The following JAKMIP2 variants were observed in gnomAD, a reference collection of about 807,000 sequenced individuals.
The protein encoded by JAKMIP2 is janus kinase and microtubule interacting protein 2.
JAKMIP2 carries 25 observed loss-of-function variants against 115.0 expected under a neutral mutation model. The ratio of observed to expected loss-of-function variants is 0.22; its 90% confidence interval spans 0.16 to 0.30. The LOEUF is 0.30. JAKMIP2 is among the 10% of genes least tolerant of loss of function. The pLI, the probability that JAKMIP2 is intolerant of heterozygous loss-of-function variation, is 1.00. For missense variants in JAKMIP2, 642 were observed against 957.6 expected, an observed-to-expected ratio of 0.67 and a Z score of 4.35; for synonymous variants, 334 against 343.6, an observed-to-expected ratio of 0.97 and a Z score of 0.31.
intron 1 of JAKMIP2, among the ~76,000 whole-genome samples, chr5:147,774,185 C>A (rs973621161): frequency 6.6e-6 from 1 of 152,142 alleles, no homozygotes; most frequent in Non-Finnish European, 1.5e-5. Context: ...GAAACAGAGA[C>A]TGACCCAGTG....
At chr5:147,600,171 T>C (rs1755627109) in intron 21 of JAKMIP2, among the ~76,000 whole-genome samples, 1 of 145,654 alleles carries the variant, frequency 6.9e-6, no homozygotes, top group Admixed American at 7.0e-5. Flanking sequence ...TACTAGTGAA[T>C]CTCCCTCCAC....
chr5:147,634,162 G>T (rs1757499525), intron 12 of JAKMIP2, among the ~76,000 whole-genome samples: 4 of 152,092 alleles, frequency 2.6e-5, no homozygotes, highest in Admixed American at 6.5e-5. Flanking sequence ...ACTTTCCCAA[G>T]TATTTACATT....
intron 1 of JAKMIP2, among the ~76,000 whole-genome samples, chr5:147,692,327 G>A (rs1297397376): frequency 1.3e-5 from 2 of 152,178 alleles, no homozygotes; most frequent in Non-Finnish European, 2.9e-5. Context: ...AAAGAACCAA[G>A]CTTGCTGACA....
chr5:147,595,434 C>A (rs978466694), intron 21 of JAKMIP2: 3 of 456,878 alleles, frequency 6.6e-6, no homozygotes, highest in Non-Finnish European at 1.3e-5. Flanking sequence ...GCTTTGCCCC[C>A]TCCAGGGGAT....
chr5:147,716,849 A>G (rs1466507656), intron 1 of JAKMIP2, among the ~76,000 whole-genome samples: 45 of 143,984 alleles, frequency 3.1e-4, no homozygotes, highest in Non-Finnish European at 3.4e-4. Flanking sequence ...CTTTAGTTTA[A>G]TTAGATCCCA....
At chr5:147,623,830 T>G in intron 16 of JAKMIP2, 141 bp from the exon 17 acceptor site, 1 of 538,446 alleles carries the variant, frequency 1.9e-6, no homozygotes, top group Non-Finnish European at 3.4e-6. Flanking sequence ...ACACCTTTTT[T>G]TGCTTGTTTG....
chr5:147,660,779 T>C, intron 3 of JAKMIP2, 169 bp downstream of exon 3: 1 of 708,324 alleles, frequency 1.4e-6, no homozygotes, highest in Non-Finnish European at 2.3e-6. Flanking sequence ...TATCTCTCGA[T>C]TGATCTACCT....
At chr5:147,709,457 T>C (rs181958189) in intron 1 of JAKMIP2, among the ~76,000 whole-genome samples, 1 of 152,314 alleles carries the variant, frequency 6.6e-6, no homozygotes, top group Admixed American at 6.5e-5. Flanking sequence ...TATATACTGA[T>C]GTATACAGTA....
chr5:147,638,586 G>A (rs1757733936), intron 10 of JAKMIP2, among the ~76,000 whole-genome samples: 1 of 152,044 alleles, frequency 6.6e-6, no homozygotes, highest in Non-Finnish European at 1.5e-5. Flanking sequence ...GTTGAAAAAT[G>A]TATAACTGCG....
At chr5:147,598,998 C>T (rs774970140) in intron 21 of JAKMIP2, among the ~76,000 whole-genome samples, 12 of 152,098 alleles carry the variant, frequency 7.9e-5, no homozygotes, top group Admixed American at 2.0e-4. Context: ...TATTTAAAGC[C>T]AGATTATTCC....
chr5:147,649,082 T>A (rs1311920150), intron 4 of JAKMIP2, among the ~76,000 whole-genome samples: 1 of 152,172 alleles, frequency 6.6e-6, no homozygotes, highest in Non-Finnish European at 1.5e-5. Flanking sequence ...TGGCTGTGAA[T>A]CACCTTACAC....
intron 1 of JAKMIP2, among the ~76,000 whole-genome samples, chr5:147,773,530 T>C (rs535416738): frequency 3.3e-5 from 5 of 152,272 alleles, no homozygotes; most frequent in Admixed American, 3.3e-4. Flanking sequence ...TCTTGTCTCT[T>C]TACTACATTT....
At chr5:147,720,182 T>A (rs559483683) in intron 1 of JAKMIP2, among the ~76,000 whole-genome samples, 1 of 152,340 alleles carries the variant, frequency 6.6e-6, no homozygotes, top group African/African-American at 2.4e-5. Flanking sequence ...TGGCCCCCAC[T>A]CTCTTCTGGC....
chr5:147,662,318 CCTT>C (rs1317572626), intron 2 of JAKMIP2, among the ~76,000 whole-genome samples: 1 of 152,126 alleles, frequency 6.6e-6, no homozygotes, highest in African/African-American at 2.4e-5. Flanking sequence ...TCTCACTCCT[CCTT>C]CTCCCTTCCT....
intron 1 of JAKMIP2, among the ~76,000 whole-genome samples, chr5:147,763,810 A>T (rs1755016745): frequency 6.6e-6 from 1 of 152,152 alleles, no homozygotes; most frequent in Admixed American, 6.6e-5. Flanking sequence ...TGAACAGGGA[A>T]GGCCATTTAA....
In JAKMIP2 at chr5:147,641,709, T is replaced by C; in HGVS notation, c.1280A>G (p.Lys427Arg). Residue 427 changes from lysine (K) to arginine (R), a missense_variant and splice_region_variant, in exon 8 of 22, where the codon AAG (lysine) becomes AGG (arginine). Coordinates refer to ENST00000616793, the MANE Select transcript of JAKMIP2 (RefSeq NM_001270941.2). ...CTGATAACTTTGATTTCTTATTACC[T>C]TAATTGGCTTGGAACTTCTTCTATG... is the stretch of plus-strand genomic sequence containing the variant. Reference protein sequence around the residue: ...RKHRRSSKPIKRPVLDPFIGY... With the variant: ...RKHRRSSKPIRRPVLDPFIGY... The C allele has an allele frequency of 6.2e-7, 1 of 1,610,192 alleles. No individual in the cohort carries two copies. Among genetic ancestry groups the C allele is most frequent in the Non-Finnish European group, 8.5e-7 (1 of 1,176,538 alleles).
At chr5:147,612,410 TGGTA>T (rs765579373) in intron 19 of JAKMIP2, 39 bp from the exon 20 acceptor site, 1 of 1,230,508 alleles carries the variant, frequency 8.1e-7, no homozygotes, top group Non-Finnish European at 1.2e-6. Context: ...CATCAGTAGG[TGGTA>T]AGTTGTGCGG....
intron 1 of JAKMIP2, among the ~76,000 whole-genome samples, chr5:147,704,965 G>A (rs2126896405): frequency 6.6e-6 from 1 of 152,212 alleles, no homozygotes; most frequent in African/African-American, 2.4e-5. Flanking sequence ...TGAATTACAA[G>A]GTACAAGCAA....
At chr5:147,757,475 G>C (rs1177930703) in intron 1 of JAKMIP2, among the ~76,000 whole-genome samples, 2 of 152,026 alleles carry the variant, frequency 1.3e-5, no homozygotes, top group South Asian at 2.1e-4. Context: ...TGAAACAAGA[G>C]AGCTACTCAA....
Sources: gnomAD v4.1 joint callset for allele counts (sites outside exome capture counted in the v4.1 genomes callset) on GRCh38, gnomAD v4.1.1 for gene constraint, MANE v1.5 for transcripts, NCBI Gene and HGNC (gene_info 2026-07-23, HGNC 2026-07-21) for gene names.